The following HLA-DPA1 variants were observed in gnomAD, a reference collection of about 807,000 sequenced individuals.
HLA-DPA1 encodes the protein HLA class II histocompatibility antigen, DP alpha 1 chain.
In HLA-DPA1, 20 loss-of-function variants were observed where a neutral mutation model predicts 21.5. The ratio of observed to expected loss-of-function variants is 0.93; its 90% CI spans 0.66 to 1.35. HLA-DPA1 has a LOEUF of 1.35. Among genes scored for constraint, HLA-DPA1 ranks in the 40% most tolerant of loss-of-function variants. The pLI, the probability that HLA-DPA1 is intolerant of heterozygous loss-of-function variation, is 0.00. For missense variants in HLA-DPA1, 279 were observed against 323.0 expected, an observed-to-expected ratio of 0.86 and a Z score of 1.05; for synonymous variants, 123 against 129.6, an observed-to-expected ratio of 0.95 and a Z score of 0.35.
In HLA-DPA1 at chr6:33,070,395, A is replaced by G. The variant is rs574542612; in HGVS notation, c.101-509T>C. Among the ~76,000 whole-genome samples the G allele has an allele frequency of 1.4e-4, 22 of 152,324 alleles. No homozygotes were observed. The South Asian group carries it at 4.3e-3, about 30-fold the overall frequency. ...AACTAGTAGAGAGGTTTTCTCTCCC[A>G]TTAAGATCTTAATTTTTCTATGACA... On this transcript the variant is annotated intron_variant, in intron 2 of 5. Coordinates refer to ENST00000419277, the Ensembl canonical transcript of HLA-DPA1.
intron 1 of HLA-DPA1, among the ~76,000 whole-genome samples, chr6:33,075,236 G>T (rs1045226280): frequency 6.6e-6 from 1 of 152,044 alleles, no homozygotes; most frequent in Non-Finnish European, 1.5e-5. Context: ...GATCTCATTT[G>T]ATCTTAAGAG....
At position 33,069,678 on chromosome 6, in the gene HLA-DPA1, G is replaced by GC. The variant is rs774818719; in HGVS notation, c.308_309insG (p.Ile105AspfsTer15). 2,055 of 1,612,584 alleles carry GC rather than the reference G, an allele frequency of 1.3e-3. 36 individuals are homozygous for GC. The East Asian group carries it at 0.014, about 11-fold the overall frequency. ...GAGTGTGGTTGGAACGCTGGATCAA[G>GC]GTATTCAAGTTGTTGTTCAATATAG... On this transcript the variant is annotated frameshift_variant, in exon 3 of 6. Transcript: ENST00000419277. LOFTEE classifies it high-confidence loss of function.
At chr6:33,077,036 A>G (rs1378677132) in intron 1 of HLA-DPA1, among the ~76,000 whole-genome samples, 1 of 151,158 alleles carries the variant, frequency 6.6e-6, no homozygotes. Flanking sequence ...CGTCATTTAC[A>G]TTAGGTATAT....
Position 33,073,651 on chromosome 6 carries a change from A to C in HLA-DPA1, c.-81T>G, listed in dbSNP as rs1421883078. ...GGCCGAGTGGAGGCAGATGAGACTG[A>C]AACTGTGGGCCTCTAGCACTGGAAA... On this transcript the variant is annotated 5_prime_UTR_variant, in exon 2 of 6. Transcript: ENST00000419277. The C allele has an allele frequency of 2.1e-6, 2 of 938,358 alleles. No homozygotes were observed. Among genetic ancestry groups the C allele is most frequent in the Admixed American group, 1.7e-5 (1 of 57,238 alleles). The allele number at this position is 938,358 out of a possible 1,614,324, so 58.1% of individuals were successfully genotyped here.
At chr6:33,076,076 C>G in intron 1 of HLA-DPA1, 1 of 1,612,628 alleles carries the variant, frequency 6.2e-7, no homozygotes, top group Non-Finnish European at 8.5e-7. Context: ...GCCCCCCGGA[C>G]AGTGGCTCTG....
intron 1 of HLA-DPA1, chr6:33,075,802 T>G (rs1762506814): frequency 1.9e-6 from 1 of 515,678 alleles, no homozygotes; most frequent in Non-Finnish European, 3.4e-6. Flanking sequence ...TCCTCCGTCA[T>G]CTTAAGTGCA....
exon 2 of HLA-DPA1, chr6:33,073,521 G>T (rs2150363779): frequency 6.2e-7 from 1 of 1,612,994 alleles, no homozygotes; most frequent in Non-Finnish European, 8.5e-7. Flanking sequence ...CAAGGAGAGG[G>T]CTCTCAAGAT....
chr6:33,078,497 G>T (rs183007250), intron 1 of HLA-DPA1, among the ~76,000 whole-genome samples: 27 of 152,264 alleles, frequency 1.8e-4, no homozygotes, highest in African/African-American at 4.8e-4. Context: ...CAACCCATAG[G>T]GAGCTAGAGG....
At chr6:33,073,373 A>G in intron 2 of HLA-DPA1, 98 bp downstream of exon 1, 1 of 785,034 alleles carries the variant, frequency 1.3e-6, no homozygotes, top group Non-Finnish European at 2.2e-6. Context: ...GACCAGATAG[A>G]TCAATGAGCC....
exon 6 of HLA-DPA1, chr6:33,064,867 A>C (rs1167507956): frequency 2.6e-5 from 4 of 152,310 alleles, no homozygotes; most frequent in African/African-American, 7.2e-5. Context: ...GGACTGAATC[A>C]ATATCCTCAG....
intron 2 of HLA-DPA1, 168 bp downstream of exon 1, chr6:33,073,303 T>A: frequency 1.8e-6 from 1 of 563,284 alleles, no homozygotes; most frequent in East Asian, 2.9e-5. Context: ...AGGAGTCTCA[T>A]AAATTCTGGC....
At chr6:33,069,993 T>C in intron 2 of HLA-DPA1, 107 bp from the exon 2 acceptor site, 1 of 1,049,646 alleles carries the variant, frequency 9.5e-7, no homozygotes, top group Non-Finnish European at 1.4e-6. Context: ...AGGAAGAAGG[T>C]AAGAGGTCAA....
chr6:33,080,669 C>A lies in HLA-DPA1; in HGVS notation c.-100+11G>T. 1 of 1,612,428 alleles carries A rather than the reference C, an allele frequency of 6.2e-7. No homozygotes were observed. The highest frequency in any genetic ancestry group is 8.5e-7 in the Non-Finnish European group (1 of 1,179,306). ...TCCGCTCATGTCCGCCCCCTCCCCG[C>A]AGAGAATTACCTTTTCCAGGGACGG... On this transcript the variant is annotated intron_variant, in intron 1 of 5. Transcript: ENST00000419277. This position sits in a 1 kb window ranked among gnomAD's most constrained non-coding sequence, Gnocchi z 4.3.
chr6:33,070,968 A>C (rs952545233), intron 2 of HLA-DPA1, among the ~76,000 whole-genome samples: 1 of 152,244 alleles, frequency 6.6e-6, no homozygotes, highest in Non-Finnish European at 1.5e-5. Flanking sequence ...GGATAAAAGC[A>C]ACTATTATCA....
chr6:33,077,308 C>T (rs533372798), intron 1 of HLA-DPA1, among the ~76,000 whole-genome samples: 48 of 152,148 alleles, frequency 3.2e-4, no homozygotes, highest in African/African-American at 1.1e-3. Context: ...TTTCTTAATC[C>T]AGTCTATCAC....
At chr6:33,066,861 A>G (rs1299349053) in intron 5 of HLA-DPA1, 2 of 152,358 alleles carry the variant, frequency 1.3e-5, no homozygotes, top group African/African-American at 2.4e-5. Flanking sequence ...ATAAAACAGC[A>G]TATTTCTTTA....
chr6:33,068,746 G>T, exon 5 of HLA-DPA1: 1 of 1,613,012 alleles, frequency 6.2e-7, no homozygotes, highest in Non-Finnish European at 8.5e-7. Context: ...CCAGCACCAG[G>T]CCCAGGGCAC....
chr6:33,069,213 G>T (rs148775831), exon 4 of HLA-DPA1: 2 of 1,612,964 alleles, frequency 1.2e-6, no homozygotes, highest in African/African-American at 2.7e-5. Context: ...GAGCACTGGT[G>T]GGAAGAACTT....
At chr6:33,073,375 C>T (rs1423881666) in intron 2 of HLA-DPA1, 96 bp downstream of exon 1, 13 of 792,022 alleles carry the variant, frequency 1.6e-5, no homozygotes, top group Non-Finnish European at 2.7e-5. Flanking sequence ...CCAGATAGAT[C>T]AATGAGCCCC....
Sources: allele counts gnomAD v4.1 joint callset (sites outside exome capture counted in the v4.1 genomes callset), GRCh38; gene constraint gnomAD v4.1.1; non-coding constraint Gnocchi (gnomAD v3.1); transcripts MANE v1.5; gene names NCBI Gene and HGNC (gene_info 2026-07-23, HGNC 2026-07-21).